The following GFPT2 variants were observed in gnomAD, a reference collection of about 807,000 sequenced individuals.
The protein encoded by GFPT2 is glutamine--fructose-6-phosphate transaminase 2, also known as glutamine--fructose-6-phosphate aminotransferase [isomerizing] 2.
Under a neutral mutation model 85.6 loss-of-function variants are expected in GFPT2, and 62 were observed. The observed-to-expected ratio is 0.72, with a 90% CI of 0.59 to 0.90. The LOEUF (loss-of-function observed/expected upper bound fraction) is 0.90. Ranked by LOEUF, GFPT2 falls within the 40% of genes least tolerant of loss-of-function variation. The probability of loss-of-function intolerance (pLI) is 0.00; values close to 1 mark genes in which losing one functional copy is unlikely to be tolerated. For synonymous variants in GFPT2, 368 were observed against 344.5 expected, an observed-to-expected ratio of 1.07 and a Z score of -0.75; for missense variants, 788 against 893.4, an observed-to-expected ratio of 0.88 and a Z score of 1.50.
chr5:180,321,816 C>T (rs1413072101), intron 9 of GFPT2, among the ~76,000 whole-genome samples: 1 of 152,174 alleles, frequency 6.6e-6, no homozygotes, highest in Non-Finnish European at 1.5e-5. Context: ...CGGAGTCTCG[C>T]TCTGTTGCCC....
intron 13 of GFPT2, among the ~76,000 whole-genome samples, chr5:180,315,741 C>A (rs1262718613): frequency 2.0e-5 from 3 of 152,226 alleles, no homozygotes; most frequent in Non-Finnish European, 4.4e-5. Context: ...AAGCCTATGG[C>A]CCTGGATCAC....
intron 15 of GFPT2, among the ~76,000 whole-genome samples, chr5:180,311,934 G>C (rs1168126275): frequency 6.6e-6 from 1 of 151,906 alleles, no homozygotes; most frequent in Non-Finnish European, 1.5e-5. Context: ...CGGTGAGAAA[G>C]CACTGAGCAC....
chr5:180,347,220 GC>G (rs1764626702), intron 1 of GFPT2, among the ~76,000 whole-genome samples: 1 of 152,238 alleles, frequency 6.6e-6, no homozygotes, highest in Non-Finnish European at 1.5e-5. Context: ...AGATACAGGA[GC>G]CTGGAGATCT....
intron 4 of GFPT2, among the ~76,000 whole-genome samples, chr5:180,334,983 G>A (rs192306485): frequency 6.6e-5 from 10 of 152,290 alleles, no homozygotes; most frequent in South Asian, 2.1e-4. Context: ...AGAGAATCAC[G>A]CGTGGAGAAC....
At chr5:180,324,794 C>T (rs377546216) in intron 8 of GFPT2, 22 bp downstream of exon 8, 19 of 1,460,356 alleles carry the variant, frequency 1.3e-5, no homozygotes, top group South Asian at 4.5e-5. Flanking sequence ...TGTGCTGTTC[C>T]GGTACTTCTT....
At chr5:180,306,867 A>G (rs1763791282) in intron 16 of GFPT2, among the ~76,000 whole-genome samples, 1 of 152,156 alleles carries the variant, frequency 6.6e-6, no homozygotes, top group Non-Finnish European at 1.5e-5. Context: ...ATGAGGTCTG[A>G]GTGAGCTGTT....
chr5:180,309,764 A>C lies in GFPT2; in HGVS notation c.1547-2461T>G, dbSNP rs1393691391. On this transcript the variant is annotated intron_variant, in intron 15 of 18. Coordinates refer to ENST00000253778, the MANE Select transcript of GFPT2 (RefSeq NM_005110.4). ...CCATTTCATCATAAAGGATATTACA[A>C]AGAGTTGCAATTTACAGACTAATAA... is the stretch of plus-strand genomic sequence containing the variant. Among the ~76,000 whole-genome samples the C allele has an allele frequency of 2.0e-5, 3 of 151,796 alleles. No homozygotes were observed. The East Asian group carries it at 5.8e-4, about 29-fold the overall frequency.
chr5:180,315,473 C>T (rs987383647), intron 13 of GFPT2, among the ~76,000 whole-genome samples: 2 of 151,794 alleles, frequency 1.3e-5, no homozygotes, highest in African/African-American at 4.8e-5. Context: ...CCACCGCGCC[C>T]GGCCGGTTAT....
In GFPT2 at chr5:180,324,377, A is replaced by G. The variant is rs937825927; in HGVS notation, c.677-72T>C. Reference sequence around the variant, plus strand: ...TTGCATAATATGCAGCAAGGAACCAATTTCCCCTCTGAATATGTGTGGGAG... The same window carrying G: ...TTGCATAATATGCAGCAAGGAACCAGTTTCCCCTCTGAATATGTGTGGGAG... On this transcript the variant is annotated intron_variant, in intron 8 of 18. Transcript: ENST00000253778. 8.3e-5 allele frequency: 74 copies of G among 892,118 alleles called. No individual in the cohort carries two copies. In the Middle Eastern group the frequency reaches 1.2e-3, roughly 14 times the overall value. The allele number at this position is 892,118 out of a possible 1,614,324, so 55.3% of individuals were successfully genotyped here.
chr5:180,306,118 G>C (rs1049919927), intron 16 of GFPT2, among the ~76,000 whole-genome samples: 4 of 151,968 alleles, frequency 2.6e-5, no homozygotes, highest in Admixed American at 2.0e-4. Flanking sequence ...CCATGTAGCT[G>C]GGATTACAGG....
chr5:180,345,074 C>T (rs1418644639), intron 1 of GFPT2, among the ~76,000 whole-genome samples: 1 of 152,232 alleles, frequency 6.6e-6, no homozygotes, highest in Non-Finnish European at 1.5e-5. Flanking sequence ...ACTGAATGTT[C>T]GGACCTCAGT....
chr5:180,307,223 C>T lies in GFPT2; in HGVS notation c.1627G>A (p.Val543Met). The T allele has an allele frequency of 6.2e-7, 1 of 1,612,220 alleles. No homozygotes were observed. ...LELYTQRSLL[V>M]MGRGYNYATC... ...GCATAGTTGTAGCCCCGCCCCATCA[C>T]CAGCAGCGATCTCTGCGTGTAGAGC... The change falls in exon 16 of 19, where the codon GTG becomes ATG. Residue 543 changes from valine to methionine, a missense_variant. Val to Met is a conservative substitution (Grantham distance 21). Coordinates refer to ENST00000253778, the MANE Select transcript of GFPT2 (RefSeq NM_005110.4).
chr5:180,315,813 A>T (rs1367914679), intron 13 of GFPT2, among the ~76,000 whole-genome samples: 1 of 152,198 alleles, frequency 6.6e-6, no homozygotes, highest in Admixed American at 6.5e-5. Context: ...GATGGGGTGC[A>T]TGTAGCTTGG....
chr5:180,352,579 G>A, intron 1 of GFPT2: 1 of 449,216 alleles, frequency 2.2e-6, no homozygotes, highest in South Asian at 1.6e-5. Flanking sequence ...TCGGGCCGAG[G>A]TTCGGGCAGT....
At chr5:180,349,796 C>T (rs1392760269) in intron 1 of GFPT2, among the ~76,000 whole-genome samples, 1 of 151,998 alleles carries the variant, frequency 6.6e-6, no homozygotes, top group Non-Finnish European at 1.5e-5. Context: ...AACACACCAA[C>T]CAGGACAAAA....
At chr5:180,325,687 A>AT (rs1415543598) in intron 7 of GFPT2, among the ~76,000 whole-genome samples, 1 of 152,178 alleles carries the variant, frequency 6.6e-6, no homozygotes, top group Non-Finnish European at 1.5e-5. Context: ...GAGCTTTAGG[A>AT]TATTTCCTCT....
Position 180,324,769 on chromosome 5 carries a change from T to C in GFPT2, c.676+47A>G, listed in dbSNP as rs554359415. ...CTGTGCCAGAGCAGCTGCCGAGTCCTGCGACACCAGCAGCTGTGCTGTTCC... is the reference window on the plus strand; with the variant it reads ...CTGTGCCAGAGCAGCTGCCGAGTCCCGCGACACCAGCAGCTGTGCTGTTCC... On this transcript the variant is annotated intron_variant, in intron 8 of 18. Coordinates refer to ENST00000253778, the MANE Select transcript of GFPT2 (RefSeq NM_005110.4). 8.0e-6 allele frequency: 10 copies of C among 1,257,076 alleles called. No individual in the cohort carries two copies. In the African/African-American group the frequency reaches 1.3e-4, roughly 17 times the overall value. The allele number at this position is 1,257,076 out of a possible 1,614,324, so 77.9% of individuals were successfully genotyped here.
At chr5:180,332,242 G>GA (rs1764316139) in intron 4 of GFPT2, among the ~76,000 whole-genome samples, 1 of 149,282 alleles carries the variant, frequency 6.7e-6, no homozygotes. Context: ...AGGTGGCGGG[G>GA]GGGCGGGGGG....
At chr5:180,346,393 G>A (rs1764608872) in intron 1 of GFPT2, among the ~76,000 whole-genome samples, 1 of 152,182 alleles carries the variant, frequency 6.6e-6, no homozygotes, top group Non-Finnish European at 1.5e-5. Context: ...CAGGACAGGT[G>A]CTGCCCCCTG....
Sources: allele counts gnomAD v4.1 joint callset (sites outside exome capture counted in the v4.1 genomes callset), GRCh38; gene constraint gnomAD v4.1.1; transcripts MANE v1.5; gene names NCBI Gene and HGNC (gene_info 2026-07-23, HGNC 2026-07-21).